The following OR56A3 variants were observed in gnomAD, a reference collection of about 807,000 sequenced individuals.
The protein encoded by OR56A3 is olfactory receptor 56A3.
OR56A3 carries 23 observed loss-of-function variants against 17.5 expected under a neutral mutation model. That is an observed-to-expected ratio of 1.32 (90% CI 0.95 to 1.87). OR56A3 has a LOEUF of 1.87. Among genes scored for constraint, OR56A3 ranks in the 40% most tolerant of loss-of-function variants. The pLI is 0.00. For missense variants in OR56A3, 366 were observed against 380.1 expected, an observed-to-expected ratio of 0.96 and a Z score of 0.31; for synonymous variants, 175 against 150.6, an observed-to-expected ratio of 1.16 and a Z score of -1.19.
chr11:6,000,747 A>G, the OR56A3 span: 1 of 152,246 alleles, frequency 6.6e-6, no homozygotes, highest in Non-Finnish European at 1.5e-5. Context: ...GTAATTTTCA[A>G]GAAATAATGA....
chr11:6,003,092 G>A, the OR56A3 span: 1 of 1,606,346 alleles, frequency 6.2e-7, no homozygotes, highest in African/African-American at 1.3e-5. Flanking sequence ...TAGAGTGTGG[G>A]TTTCCACTGA....
the OR56A3 span, among the ~76,000 whole-genome samples, chr11:6,013,018 G>A: frequency 6.6e-6 from 1 of 152,334 alleles, no homozygotes; most frequent in South Asian, 2.1e-4. Flanking sequence ...GCCTTCCTGA[G>A]CCCCCAAGAG....
At chr11:6,021,797 G>C in the OR56A3 span, 1 of 151,740 alleles carries the variant, frequency 6.6e-6, no homozygotes, top group Non-Finnish European at 1.5e-5. Flanking sequence ...CCTAGAGAAC[G>C]CAAACAATGT....
chr11:5,978,566 G>C, the OR56A3 span, among the ~76,000 whole-genome samples: 10 of 151,910 alleles, frequency 6.6e-5, no homozygotes, highest in African/African-American at 2.4e-4. Flanking sequence ...TTGATTTTGT[G>C]TCCTGAAATT....
chr11:5,994,061 T>C, the OR56A3 span: 5 of 477,514 alleles, frequency 1.0e-5, no homozygotes, highest in Admixed American at 2.3e-5. Context: ...AGCTTGACCT[T>C]GATGTTCAGC....
the OR56A3 span, among the ~76,000 whole-genome samples, chr11:6,018,780 C>T: frequency 7.8e-3 from 1,184 of 151,882 alleles, 13 homozygotes; most frequent in African/African-American, 0.027. Context: ...TGATAAACCT[C>T]TAGCTAGACT....
the OR56A3 span, among the ~76,000 whole-genome samples, chr11:6,006,622 C>A: frequency 6.6e-6 from 1 of 152,160 alleles, no homozygotes; most frequent in Non-Finnish European, 1.5e-5. Flanking sequence ...AGATTATGAC[C>A]TAGCTAGGCA....
At chr11:5,945,487 C>T (rs542812258) in intron 2 of OR56A3, among the ~76,000 whole-genome samples, 5 of 147,330 alleles carry the variant, frequency 3.4e-5, no homozygotes, top group South Asian at 2.2e-4. Flanking sequence ...GAGGCTGAGG[C>T]GGGAGAATCG....
At chr11:6,009,309 A>T in the OR56A3 span, among the ~76,000 whole-genome samples, 2 of 152,182 alleles carry the variant, frequency 1.3e-5, no homozygotes, top group Non-Finnish European at 2.9e-5. Flanking sequence ...GAACAAATGA[A>T]GCTGTAAATC....
At chr11:5,985,731 A>G in the OR56A3 span, among the ~76,000 whole-genome samples, 2 of 152,242 alleles carry the variant, frequency 1.3e-5, no homozygotes, top group Non-Finnish European at 2.9e-5. Flanking sequence ...GAGCAAAAGA[A>G]AAAATGGCAA....
chr11:5,975,786 G>A, the OR56A3 span, among the ~76,000 whole-genome samples: 1 of 151,976 alleles, frequency 6.6e-6, no homozygotes, highest in Non-Finnish European at 1.5e-5. Context: ...TCGCCACACT[G>A]ACTTCCACAA....
At chr11:5,967,910 G>A in the OR56A3 span, 15 of 1,592,600 alleles carry the variant, frequency 9.4e-6, no homozygotes, top group South Asian at 1.7e-4. Flanking sequence ...GATTCAAGGT[G>A]ATGTCATCAC....
the OR56A3 span, among the ~76,000 whole-genome samples, chr11:5,978,552 G>C: frequency 6.6e-6 from 1 of 151,808 alleles, no homozygotes; most frequent in African/African-American, 2.4e-5. Context: ...ACTGATTTTT[G>C]TAATTGATTT....
chr11:5,942,915 A>G (rs917694006), intron 1 of OR56A3, among the ~76,000 whole-genome samples: 4 of 152,238 alleles, frequency 2.6e-5, no homozygotes, highest in African/African-American at 9.6e-5. Context: ...CTGTGGGCCT[A>G]TCTTGCAACC....
chr11:6,014,474 T>C, the OR56A3 span, among the ~76,000 whole-genome samples: 1 of 152,220 alleles, frequency 6.6e-6, no homozygotes, highest in East Asian at 1.9e-4. Context: ...CCATGTAAGA[T>C]ACCTACTCCT....
chr11:6,004,172 T>C, the OR56A3 span, among the ~76,000 whole-genome samples: 27 of 152,044 alleles, frequency 1.8e-4, no homozygotes, highest in African/African-American at 6.0e-4. Context: ...GCCAACATAA[T>C]GAAACCTCGT....
chr11:5,981,379 ATT>A, the OR56A3 span, among the ~76,000 whole-genome samples: 3 of 151,886 alleles, frequency 2.0e-5, no homozygotes, highest in Admixed American at 2.0e-4. Flanking sequence ...CTTTTTTCTT[ATT>A]TTTGTTTGAA....
Position 5,947,480 on chromosome 11 carries a change from C to A in OR56A3, c.134C>A (p.Ala45Asp), listed in dbSNP as rs1292717864. ...CTCCTTTTCCTCTTGGCCGTAGGGG[C>A]CAACACCACCCTCCTGATGACCATC... ...LSLLFLLAVG[A>D]NTTLLMTIWL... Residue 45 changes from alanine to aspartate, a missense_variant, in exon 3 of 3, where the codon GCC becomes GAC. By Grantham distance (126) the Ala-to-Asp change is moderately radical (BLOSUM62 -2). Transcript: ENST00000641160. 1 of 1,614,008 alleles carries A rather than the reference C, an allele frequency of 6.2e-7. No individual in the cohort carries two copies. Among genetic ancestry groups the A allele is most frequent in the Non-Finnish European group, 8.5e-7 (1 of 1,179,902 alleles).
chr11:5,963,342 T>G, the OR56A3 span, among the ~76,000 whole-genome samples: 1 of 152,156 alleles, frequency 6.6e-6, no homozygotes, highest in African/African-American at 2.4e-5. Flanking sequence ...TTAGAACTGC[T>G]TTTTCTGTAT....
Sources: gnomAD v4.1 joint callset for allele counts (sites outside exome capture counted in the v4.1 genomes callset) on GRCh38, gnomAD v4.1.1 for gene constraint, MANE v1.5 for transcripts, NCBI Gene and HGNC (gene_info 2026-07-23, HGNC 2026-07-21) for gene names.